The following RAB1A variants were observed in gnomAD, a reference collection of about 807,000 sequenced individuals.
The protein encoded by RAB1A is ras-related protein Rab-1A.
Under a neutral mutation model 26.0 loss-of-function variants are expected in RAB1A, and 2 were observed. That is an observed-to-expected ratio of 0.08 (90% CI 0.03 to 0.24). The LOEUF is 0.24. Ranked by LOEUF, RAB1A falls within the 10% of genes least tolerant of loss-of-function variation. The pLI is 1.00. For synonymous variants in RAB1A, 84 were observed against 84.9 expected (o/e 0.99, Z 0.06); for missense variants, 100 against 247.0 (o/e 0.40, Z 3.99).
At chr2:65,123,900 T>C (rs377123236) in intron 1 of RAB1A, among the ~76,000 whole-genome samples, 1 of 149,148 alleles carries the variant, frequency 6.7e-6, no homozygotes, top group East Asian at 2.0e-4. Context: ...AAGACAACGT[T>C]AAAAAAAAAA....
chr2:65,099,345 A>G (rs1573069919), intron 2 of RAB1A, among the ~76,000 whole-genome samples: 1 of 152,236 alleles, frequency 6.6e-6, no homozygotes, highest in Admixed American at 6.5e-5. Flanking sequence ...TCTTGCAAGT[A>G]CCTGCCATGA....
intron 1 of RAB1A, chr2:65,114,120 G>A (rs1669768618): frequency 6.4e-6 from 3 of 470,240 alleles, no homozygotes; most frequent in South Asian, 1.6e-5. Flanking sequence ...ACAGCCACAA[G>A]TATATGAAGT....
At chr2:65,094,090 C>T (rs896404072) in intron 3 of RAB1A, among the ~76,000 whole-genome samples, 71 of 152,268 alleles carry the variant, frequency 4.7e-4, no homozygotes, top group African/African-American at 1.5e-3. Context: ...CCACCTCAGC[C>T]TCCTGAGTAC....
intron 2 of RAB1A, among the ~76,000 whole-genome samples, chr2:65,098,319 A>C (rs1249641461): frequency 6.6e-6 from 1 of 152,206 alleles, no homozygotes; most frequent in Non-Finnish European, 1.5e-5. Flanking sequence ...AGATCTCTAC[A>C]ATAGCCATTC....
chr2:65,097,184 C>A (rs1388437092), intron 3 of RAB1A, among the ~76,000 whole-genome samples: 1 of 152,162 alleles, frequency 6.6e-6, no homozygotes, highest in Non-Finnish European at 1.5e-5. Flanking sequence ...CTACTTCTTG[C>A]TAATAGCCTA....
intron 5 of RAB1A, 122 bp from the exon 6 acceptor site, chr2:65,088,812 C>G (rs960320655): frequency 3.8e-6 from 5 of 1,319,068 alleles, no homozygotes; most frequent in Non-Finnish European, 5.2e-6. Context: ...AGATGCTACA[C>G]AAATTGTCAC....
At chr2:65,129,433 A>T (rs569945163) in intron 1 of RAB1A, among the ~76,000 whole-genome samples, 71 of 152,190 alleles carry the variant, frequency 4.7e-4, no homozygotes, top group Non-Finnish European at 8.4e-4. Flanking sequence ...CAAGCTCAGG[A>T]TTTACAAGTA....
At chr2:65,093,867 G>A (rs766853822) in intron 3 of RAB1A, among the ~76,000 whole-genome samples, 13 of 151,854 alleles carry the variant, frequency 8.6e-5, no homozygotes, top group East Asian at 1.9e-4. Flanking sequence ...TGTGATCTGC[G>A]TGCCTCTGCC....
Position 65,098,909 on chromosome 2 carries a change from C to A in RAB1A, c.97-843G>T, listed in dbSNP as rs192380990. On this transcript the variant is annotated intron_variant, in intron 2 of 5. Transcript: ENST00000409784. ...GGAGTGCAGTGTCATGATCTCAGCTCACTGCAACCTCTGTCTCCCGGGGTC... is the reference window on the plus strand; with the variant it reads ...GGAGTGCAGTGTCATGATCTCAGCTAACTGCAACCTCTGTCTCCCGGGGTC... 5.4e-3 allele frequency among the ~76,000 whole-genome samples: 767 copies of A among 141,058 alleles called. 9 individuals are homozygous for A. Among genetic ancestry groups the A allele is most frequent in the African/African-American group, 0.019 (720 of 37,630 alleles). 92.5% of individuals were successfully genotyped at this position (141,058 alleles called of 152,430 possible).
chr2:65,127,766 C>G (rs1670132929), intron 1 of RAB1A, among the ~76,000 whole-genome samples: 1 of 152,072 alleles, frequency 6.6e-6, no homozygotes, highest in Non-Finnish European at 1.5e-5. Flanking sequence ...CGGAGTCTTG[C>G]TCTGTCGTCC....
At chr2:65,111,325 G>A (rs1461149659) in intron 1 of RAB1A, among the ~76,000 whole-genome samples, 4 of 150,072 alleles carry the variant, frequency 2.7e-5, no homozygotes, top group Admixed American at 6.7e-5. Context: ...TCATGCCATT[G>A]CACTCCAGCC....
At chr2:65,129,776 A>C in intron 1 of RAB1A, 117 bp downstream of exon 1, 2 of 1,483,132 alleles carry the variant, frequency 1.3e-6, no homozygotes, top group Non-Finnish European at 1.8e-6. Context: ...CTCCTGACCC[A>C]TCACCCTCGC....
intron 1 of RAB1A, among the ~76,000 whole-genome samples, chr2:65,125,248 C>T (rs959658530): frequency 4.6e-5 from 7 of 151,848 alleles, no homozygotes; most frequent in African/African-American, 1.7e-4. Flanking sequence ...ATATTTCTTC[C>T]TACTATAGTT....
At chr2:65,106,991 G>A (rs1402742136) in intron 1 of RAB1A, among the ~76,000 whole-genome samples, 1 of 152,124 alleles carries the variant, frequency 6.6e-6, no homozygotes, top group Admixed American at 6.6e-5. Context: ...GATCTCAAGT[G>A]ATCCACCCGC....
intron 1 of RAB1A, among the ~76,000 whole-genome samples, chr2:65,120,180 G>A (rs574626434): frequency 6.6e-5 from 10 of 151,632 alleles, no homozygotes; most frequent in African/African-American, 1.9e-4. Context: ...AAATTAGGCC[G>A]GGAACAGTGG....
chr2:65,129,689 C>T (rs1670192257), intron 1 of RAB1A, among the ~76,000 whole-genome samples: 5 of 152,090 alleles, frequency 3.3e-5, no homozygotes, highest in Admixed American at 3.3e-4. Flanking sequence ...GGCGGCTCAC[C>T]CCTCCGGCCC....
chr2:65,117,383 G>T (rs1669850169), intron 1 of RAB1A, among the ~76,000 whole-genome samples: 1 of 151,880 alleles, frequency 6.6e-6, no homozygotes, highest in Admixed American at 6.6e-5. Flanking sequence ...ATTTTTTGCA[G>T]AAAGGGGATC....
chr2:65,100,114 A>C (rs1212278888), intron 2 of RAB1A, among the ~76,000 whole-genome samples: 2 of 152,312 alleles, frequency 1.3e-5, no homozygotes, highest in East Asian at 3.9e-4. Flanking sequence ...TGTTTTTAGA[A>C]ATATGGGCCG....
intron 1 of RAB1A, among the ~76,000 whole-genome samples, chr2:65,106,200 A>T (rs1156904735): frequency 6.6e-6 from 1 of 152,188 alleles, no homozygotes; most frequent in African/African-American, 2.4e-5. Context: ...ATCCTTCCCA[A>T]CTCAGACACC....
Sources: gnomAD v4.1 joint callset for allele counts (sites outside exome capture counted in the v4.1 genomes callset) on GRCh38, gnomAD v4.1.1 for gene constraint, MANE v1.5 for transcripts, NCBI Gene and HGNC (gene_info 2026-07-23, HGNC 2026-07-21) for gene names.